The following ELF2 variants were observed in gnomAD, a reference collection of about 807,000 sequenced individuals.
ELF2 encodes E74 like ETS transcription factor 2, also known as ETS-related transcription factor Elf-2.
Under a neutral mutation model 54.8 loss-of-function variants are expected in ELF2, and 11 were observed. The observed-to-expected ratio is 0.20, with a 90% confidence interval of 0.13 to 0.33. The LOEUF is 0.33. Ranked by LOEUF, ELF2 falls within the 10% of genes least tolerant of loss-of-function variation. The pLI is 1.00. For missense variants in ELF2, 513 were observed against 703.0 expected (o/e 0.73, Z 3.06); for synonymous variants, 203 against 245.1 (o/e 0.83, Z 1.61).
At chr4:139,082,119 A>C (rs1731199921) in intron 4 of ELF2, among the ~76,000 whole-genome samples, 1 of 152,210 alleles carries the variant, frequency 6.6e-6, no homozygotes, top group Admixed American at 6.5e-5. Flanking sequence ...GCTTACGAAA[A>C]AATAGTTTCC....
intron 1 of ELF2, among the ~76,000 whole-genome samples, chr4:139,140,737 GA>G (rs1738623544): frequency 6.7e-6 from 1 of 150,298 alleles, no homozygotes; most frequent in Non-Finnish European, 1.5e-5. Context: ...CTGGGTGACA[GA>G]GCAAGACCCT....
chr4:139,119,553 C>T (rs370177458), intron 4 of ELF2, among the ~76,000 whole-genome samples: 1 of 152,172 alleles, frequency 6.6e-6, no homozygotes, highest in Non-Finnish European at 1.5e-5. Context: ...CTCTATTCTT[C>T]AGGATTCTGG....
At chr4:139,066,008 C>CTT (rs1728642766) in intron 7 of ELF2, 1 of 50,848 alleles carries the variant, frequency 2.0e-5, no homozygotes, top group Admixed American at 3.6e-4. Flanking sequence ...TTCAATGTCA[C>CTT]CTTTTTTTTT....
At chr4:139,107,527 C>CA (rs1277894561) in intron 4 of ELF2, among the ~76,000 whole-genome samples, 5 of 151,906 alleles carry the variant, frequency 3.3e-5, no homozygotes, top group South Asian at 2.1e-4. Context: ...TTTAAAAATA[C>CA]AAAAAAATCA....
intron 1 of ELF2, among the ~76,000 whole-genome samples, chr4:139,151,115 T>C (rs1379585300): frequency 1.3e-5 from 2 of 149,236 alleles, no homozygotes; most frequent in African/African-American, 2.5e-5. Flanking sequence ...ATTTAATAAA[T>C]TGTGCTGGTA....
At chr4:139,132,841 C>CATATATATATATATATAT (rs58765596) in intron 3 of ELF2, among the ~76,000 whole-genome samples, 144 of 114,974 alleles carry the variant, frequency 1.3e-3, no homozygotes, top group African/African-American at 4.3e-3. Flanking sequence ...TATTACTTTA[C>CATATATATATATATATAT]ATATATATAT....
chr4:139,081,701 G>C (rs1483636189), intron 4 of ELF2, among the ~76,000 whole-genome samples: 3 of 152,080 alleles, frequency 2.0e-5, no homozygotes, highest in African/African-American at 7.2e-5. Context: ...ATTGAAAATT[G>C]GCAGCAATAA....
chr4:139,096,009 G>T (rs1207321675), intron 4 of ELF2, among the ~76,000 whole-genome samples: 1 of 152,192 alleles, frequency 6.6e-6, no homozygotes, highest in Non-Finnish European at 1.5e-5. Flanking sequence ...TACTCGGGAG[G>T]CTGAGGCAGG....
At chr4:139,091,384 A>T (rs1732556421) in intron 4 of ELF2, among the ~76,000 whole-genome samples, 1 of 152,276 alleles carries the variant, frequency 6.6e-6, no homozygotes, top group Non-Finnish European at 1.5e-5. Context: ...AGGTTTAAAA[A>T]TAAACAAGCT....
In ELF2 at chr4:139,059,038, G is replaced by C. The variant is rs755124182; in HGVS notation, c.1727C>G (p.Ala576Gly). The part of the protein sequence containing the change: ...THVVVVSAPS[A>G]IALPVTMKTE... ...TTTCATAGTTACAGGAAGGGCAATA[G>C]CTGAAGGCGCACTGACAACCACTAC... Residue 576 changes from alanine (A) to glycine (G), a missense_variant, in exon 10 of 10, where the codon GCT (alanine) becomes GGT (glycine). Coordinates refer to ENST00000686138, the MANE Select transcript of ELF2 (RefSeq NM_001331036.3). The C allele has an allele frequency of 2.5e-6, 4 of 1,613,768 alleles. No individual in the cohort carries two copies. In the Admixed American group the frequency reaches 6.7e-5, roughly 27 times the overall value.
chr4:139,173,847 A>T (rs1374081052), intron 1 of ELF2, among the ~76,000 whole-genome samples: 5 of 151,450 alleles, frequency 3.3e-5, no homozygotes, highest in Non-Finnish European at 7.4e-5. Context: ...CAGCACTTTG[A>T]GAGGCCAAAG....
chr4:139,151,091 A>AGAAAGAAG (rs1739942083), intron 1 of ELF2, among the ~76,000 whole-genome samples: 1 of 147,240 alleles, frequency 6.8e-6, no homozygotes, highest in Non-Finnish European at 1.5e-5. Flanking sequence ...AAAGAAAGAA[A>AGAAAGAAG]GAAAAAGAGA....
At chr4:139,080,223 T>G (rs1730909383) in intron 4 of ELF2, among the ~76,000 whole-genome samples, 1 of 152,228 alleles carries the variant, frequency 6.6e-6, no homozygotes, top group Non-Finnish European at 1.5e-5. Flanking sequence ...AACTCAGTTT[T>G]TACATGAATT....
At chr4:139,083,934 G>C (rs1393971030) in intron 4 of ELF2, among the ~76,000 whole-genome samples, 3 of 152,176 alleles carry the variant, frequency 2.0e-5, no homozygotes, top group Non-Finnish European at 4.4e-5. Context: ...TTCGAGGCAG[G>C]TTACTCTCCA....
At chr4:139,142,612 C>CA (rs1738807641) in intron 1 of ELF2, among the ~76,000 whole-genome samples, 1 of 151,996 alleles carries the variant, frequency 6.6e-6, no homozygotes, top group African/African-American at 2.4e-5. Context: ...ATATGTTGTG[C>CA]AAAAGTAATT....
chr4:139,059,047 G>A lies in ELF2; in HGVS notation c.1718C>T (p.Ala573Val), dbSNP rs781524405. The A allele has an allele frequency of 1.3e-5, 21 of 1,613,934 alleles. No homozygotes were observed. Among genetic ancestry groups the A allele is most frequent in the Admixed American group, 1.7e-5 (1 of 59,996 alleles). Residue 573 changes from alanine to valine, a missense_variant, in exon 10 of 10, where the codon GCG becomes GTG. Coordinates refer to ENST00000686138, the MANE Select transcript of ELF2 (RefSeq NM_001331036.3). ...TACAGGAAGGGCAATAGCTGAAGGCGCACTGACAACCACTACGTGGGTCAC... is the reference window on the plus strand; with the variant it reads ...TACAGGAAGGGCAATAGCTGAAGGCACACTGACAACCACTACGTGGGTCAC... ...KTVTHVVVVSAPSAIALPVTM... is the reference protein window; with the variant it reads ...KTVTHVVVVSVPSAIALPVTM...
intron 1 of ELF2, among the ~76,000 whole-genome samples, chr4:139,169,578 C>T (rs898168655): frequency 5.9e-5 from 9 of 152,210 alleles, no homozygotes; most frequent in South Asian, 2.1e-4. Context: ...TCTGTCTTGG[C>T]CGGGCGCGGT....
chr4:139,148,176 A>T (rs1439951615), intron 1 of ELF2, among the ~76,000 whole-genome samples: 1 of 151,062 alleles, frequency 6.6e-6, no homozygotes, highest in Non-Finnish European at 1.5e-5. Flanking sequence ...GAATATAATT[A>T]TATAATATGT....
intron 1 of ELF2, among the ~76,000 whole-genome samples, chr4:139,157,570 G>GT (rs1435626921): frequency 6.6e-6 from 1 of 151,954 alleles, no homozygotes; most frequent in Non-Finnish European, 1.5e-5. Context: ...CCCAACTAAG[G>GT]TTTTTTTCAT....
Sources: gnomAD v4.1 joint callset for allele counts (sites outside exome capture counted in the v4.1 genomes callset) on GRCh38, gnomAD v4.1.1 for gene constraint, MANE v1.5 for transcripts, NCBI Gene and HGNC (gene_info 2026-07-23, HGNC 2026-07-21) for gene names.